The following ADAM28 variants were observed in gnomAD, a reference collection of about 807,000 sequenced individuals.
ADAM28 encodes the protein disintegrin and metalloproteinase domain-containing protein 28.
Under a neutral mutation model 101.2 loss-of-function variants are expected in ADAM28, and 105 were observed. The observed-to-expected ratio is 1.04, with a 90% CI of 0.89 to 1.22. ADAM28 has a LOEUF of 1.22. ADAM28 is among the 50% of genes most tolerant of loss of function. ADAM28 has a pLI of 0.00. For synonymous variants in ADAM28, 322 were observed against 310.6 expected (o/e 1.04, Z -0.39); for missense variants, 1,028 against 945.4 (o/e 1.09, Z -1.15).
intron 16 of ADAM28, 83 bp downstream of exon 16, chr8:24,341,840 A>G: frequency 1.3e-6 from 2 of 1,569,240 alleles, no homozygotes; most frequent in Non-Finnish European, 8.7e-7. Context: ...GTTATTCACT[A>G]TGTGCCTTGT....
chr8:24,315,102 A>ATATCTT (rs1216418381), intron 6 of ADAM28, among the ~76,000 whole-genome samples: 7 of 151,968 alleles, frequency 4.6e-5, no homozygotes, highest in African/African-American at 1.7e-4. Flanking sequence ...AGGAATGTAA[A>ATATCTT]TGGATTAAAT....
intron 2 of ADAM28, among the ~76,000 whole-genome samples, chr8:24,303,657 AT>A (rs1265473160): frequency 6.6e-6 from 1 of 152,008 alleles, no homozygotes; most frequent in Non-Finnish European, 1.5e-5. Context: ...TTTTAAAGTA[AT>A]TTTTTTCTAA....
At chr8:24,335,098 A>G (rs1372632931) in intron 13 of ADAM28, among the ~76,000 whole-genome samples, 1 of 152,060 alleles carries the variant, frequency 6.6e-6, no homozygotes, top group African/African-American at 2.4e-5. Context: ...ATCTCCTTGG[A>G]GTTCCTGACA....
chr8:24,319,577 A>G (rs1398761405), intron 6 of ADAM28, among the ~76,000 whole-genome samples: 1 of 152,016 alleles, frequency 6.6e-6, no homozygotes, highest in Admixed American at 6.6e-5. Context: ...ATTAAAAGAC[A>G]TGCACTTCCA....
chr8:24,329,884 T>TGA (rs775151775), intron 10 of ADAM28, 101 bp from the exon 11 acceptor site: 29,372 of 697,986 alleles, frequency 0.042, 275 homozygotes, highest in African/African-American at 0.06. Flanking sequence ...TGTGTGTGTG[T>TGA]GTGAGAGAGA....
At chr8:24,323,351 C>T (rs144337278) in intron 8 of ADAM28, among the ~76,000 whole-genome samples, 6 of 152,038 alleles carry the variant, frequency 3.9e-5, no homozygotes, top group African/African-American at 7.2e-5. Flanking sequence ...CAAACTATAG[C>T]GACTACTTAG....
chr8:24,351,202 C>A, intron 19 of ADAM28, 30 bp from the exon 20 acceptor site: 1 of 1,495,260 alleles, frequency 6.7e-7, no homozygotes, highest in Non-Finnish European at 9.0e-7. Context: ...GCTGCTAAGT[C>A]AATTGATATC....
chr8:24,343,129 T>G lies in ADAM28; in HGVS notation c.1859T>G (p.Ile620Ser). Residue 620 changes from isoleucine to serine, a missense_variant, in exon 17 of 23, where the codon ATT (isoleucine) becomes AGT (serine). Ile to Ser is a moderately radical substitution (Grantham distance 142, BLOSUM62 -2). Coordinates refer to ENST00000265769, the MANE Select transcript of ADAM28 (RefSeq NM_014265.6). Reference sequence around the variant, plus strand: ...TGCATTAATGCAGAATGTGTGGATATTGAGAAAGCCTACAAATCAACCAAT... The same window carrying G: ...TGCATTAATGCAGAATGTGTGGATAGTGAGAAAGCCTACAAATCAACCAAT... The part of the protein sequence containing the change: ...KVCINAECVD[I>S]EKAYKSTNCS... 6.2e-7 allele frequency: 1 copy of G among 1,613,852 alleles called. No individual in the cohort carries two copies. The highest frequency in any genetic ancestry group is 8.5e-7 in the Non-Finnish European group (1 of 1,179,814).
chr8:24,353,428 A>ATT (rs11406512), intron 21 of ADAM28, among the ~76,000 whole-genome samples: 7 of 152,052 alleles, frequency 4.6e-5, no homozygotes, highest in South Asian at 2.1e-4. Flanking sequence ...TACATTTGAG[A>ATT]TTTTTTTCTT....
chr8:24,334,682 C>G (rs1813786549), intron 13 of ADAM28, among the ~76,000 whole-genome samples: 1 of 152,160 alleles, frequency 6.6e-6, no homozygotes, highest in Non-Finnish European at 1.5e-5. Flanking sequence ...TGGATTTGAT[C>G]CCGTCACTGG....
intron 9 of ADAM28, among the ~76,000 whole-genome samples, chr8:24,325,887 A>AAAAAAAAAAAAAACAAAAAAAC (rs1812521043): frequency 7.4e-6 from 1 of 135,916 alleles, no homozygotes; most frequent in African/African-American, 2.6e-5. Flanking sequence ...AAAAAAAAAA[A>AAAAAAAAAAAAAACAAAAAAAC]AAAAAAAAAA....
chr8:24,333,204 G>A (rs919418013), intron 13 of ADAM28, among the ~76,000 whole-genome samples: 2 of 152,190 alleles, frequency 1.3e-5, no homozygotes, highest in Admixed American at 6.5e-5. Flanking sequence ...AAAGGGACAA[G>A]TTACAGTTAT....
At chr8:24,305,451 C>CCTTT (rs1231715996) in intron 2 of ADAM28, among the ~76,000 whole-genome samples, 1 of 65,446 alleles carries the variant, frequency 1.5e-5, no homozygotes, top group Non-Finnish European at 2.9e-5. Flanking sequence ...TAAGAGGTTT[C>CCTTT]TTTTTTTTTT....
At chr8:24,309,992 A>G (rs1261982631) in intron 3 of ADAM28, 22 bp downstream of exon 3, 10 of 1,540,146 alleles carry the variant, frequency 6.5e-6, no homozygotes, top group African/African-American at 1.4e-5. Flanking sequence ...TACCTGTGAT[A>G]TTATCCTCAG....
chr8:24,353,501 T>C (rs916520825), intron 21 of ADAM28, among the ~76,000 whole-genome samples: 15 of 152,150 alleles, frequency 9.9e-5, no homozygotes, highest in Non-Finnish European at 2.1e-4. Flanking sequence ...CACTTAATTC[T>C]TCAACTGTTA....
At chr8:24,325,511 C>A (rs570701358) in intron 9 of ADAM28, among the ~76,000 whole-genome samples, 2 of 151,768 alleles carry the variant, frequency 1.3e-5, no homozygotes, top group South Asian at 4.1e-4. Flanking sequence ...TGCAAATGAG[C>A]AAGTGGGGAG....
chr8:24,310,543 C>G (rs994727118), intron 4 of ADAM28, among the ~76,000 whole-genome samples: 2 of 147,632 alleles, frequency 1.4e-5, no homozygotes, highest in Non-Finnish European at 3.0e-5. Context: ...TGTTCTCAAT[C>G]AATTTCTATC....
chr8:24,305,164 C>G (rs139912895), intron 2 of ADAM28, among the ~76,000 whole-genome samples: 1 of 151,662 alleles, frequency 6.6e-6, no homozygotes, highest in African/African-American at 2.4e-5. Flanking sequence ...CATTTAGAGT[C>G]CCTCCCATTT....
chr8:24,341,869 G>A (rs62498244), intron 16 of ADAM28, 112 bp downstream of exon 16: 222,426 of 1,349,564 alleles, frequency 0.16, 19,447 homozygotes, highest in East Asian at 0.37. Context: ...TTTGGGGTTC[G>A]CCATGCCTTA....
Sources: gnomAD v4.1 joint callset for allele counts (sites outside exome capture counted in the v4.1 genomes callset) on GRCh38, gnomAD v4.1.1 for gene constraint, MANE v1.5 for transcripts, NCBI Gene and HGNC (gene_info 2026-07-23, HGNC 2026-07-21) for gene names.